Variants in CFAP299 observed in about 807,000 individuals in gnomAD.
The protein encoded by CFAP299 is cilia- and flagella-associated protein 299.
In CFAP299, 21 loss-of-function variants were observed where a neutral mutation model predicts 27.0. The observed-to-expected ratio is 0.78, with a 90% CI of 0.55 to 1.12. CFAP299 has a LOEUF of 1.12. CFAP299 is among the 50% of genes most tolerant of loss of function. The probability of loss-of-function intolerance (pLI) is 0.00; values close to 1 mark genes in which losing one functional copy is unlikely to be tolerated. For missense variants in CFAP299, 310 were observed against 276.6 expected, an observed-to-expected ratio of 1.12 and a Z score of -0.86; for synonymous variants, 104 against 98.1, an observed-to-expected ratio of 1.06 and a Z score of -0.36.
intron 2 of CFAP299, among the ~76,000 whole-genome samples, chr4:80,518,230 G>A (rs146461483): frequency 1.3e-4 from 20 of 152,156 alleles, no homozygotes; most frequent in African/African-American, 2.4e-4. Flanking sequence ...GAGAGCAAAA[G>A]CCTTCAATTA....
At chr4:80,415,077 C>A (rs1726931485) in intron 2 of CFAP299, among the ~76,000 whole-genome samples, 1 of 152,116 alleles carries the variant, frequency 6.6e-6, no homozygotes, top group Non-Finnish European at 1.5e-5. Flanking sequence ...TAAAAAGAGT[C>A]TCCTAACAGA....
intron 4 of CFAP299, among the ~76,000 whole-genome samples, chr4:80,891,612 T>G (rs1254576940): frequency 2.1e-5 from 1 of 47,020 alleles, no homozygotes; most frequent in Non-Finnish European, 3.8e-5. Flanking sequence ...CTGGGGACTG[T>G]GGTGGGGTCG....
intron 2 of CFAP299, among the ~76,000 whole-genome samples, chr4:80,442,031 A>G (rs891933249): frequency 1.3e-5 from 2 of 152,204 alleles, no homozygotes; most frequent in African/African-American, 2.4e-5. Flanking sequence ...TATGCACCCA[A>G]TATAGGAGCA....
intron 3 of CFAP299, among the ~76,000 whole-genome samples, chr4:80,742,584 C>T (rs1724339764): frequency 6.6e-6 from 1 of 152,110 alleles, no homozygotes; most frequent in East Asian, 1.9e-4. Flanking sequence ...TAATGTTAAC[C>T]TTTAATAAGT....
intron 3 of CFAP299, among the ~76,000 whole-genome samples, chr4:80,823,445 A>AT: frequency 6.6e-6 from 1 of 152,294 alleles, no homozygotes; most frequent in South Asian, 2.1e-4. Flanking sequence ...AGGACAGTAA[A>AT]TAACTGGGCT....
intron 3 of CFAP299, among the ~76,000 whole-genome samples, chr4:80,664,220 T>G (rs1341585461): frequency 6.6e-6 from 1 of 151,654 alleles, no homozygotes; most frequent in Non-Finnish European, 1.5e-5. Flanking sequence ...GCTGGAGGAG[T>G]TTTTTTATAC....
At chr4:80,721,553 G>A (rs569818165) in intron 3 of CFAP299, among the ~76,000 whole-genome samples, 5 of 151,976 alleles carry the variant, frequency 3.3e-5, no homozygotes, top group East Asian at 1.9e-4. Context: ...TAATTACCTC[G>A]TTAAGTACTC....
intron 3 of CFAP299, among the ~76,000 whole-genome samples, chr4:80,745,597 C>T (rs1032733391): frequency 2.0e-5 from 3 of 151,290 alleles, no homozygotes; most frequent in Admixed American, 1.3e-4. Context: ...GAAGATAGCA[C>T]AGTTTCCATA....
At chr4:80,913,476 A>T (rs553407281) in intron 4 of CFAP299, among the ~76,000 whole-genome samples, 3 of 152,314 alleles carry the variant, frequency 2.0e-5, no homozygotes, top group African/African-American at 7.2e-5. Context: ...TCCAGCTGAG[A>T]CATAGGTTTC....
At chr4:80,625,557 A>G (rs1738843598) in intron 3 of CFAP299, among the ~76,000 whole-genome samples, 1 of 152,062 alleles carries the variant, frequency 6.6e-6, no homozygotes. Context: ...TAAATGGATT[A>G]TGTTCTCCCA....
chr4:80,855,044 C>T (rs895197008), intron 3 of CFAP299, among the ~76,000 whole-genome samples: 24 of 151,574 alleles, frequency 1.6e-4, no homozygotes, highest in African/African-American at 4.4e-4. Flanking sequence ...TCCAAAGAGC[C>T]GAAAGGATTA....
At chr4:80,332,001 C>G (rs935389276), upstream of CFAP299, among the ~76,000 whole-genome samples, 1 of 152,144 alleles carries the variant, frequency 6.6e-6, no homozygotes, top group Non-Finnish European at 1.5e-5. Flanking sequence ...GGAAAACCAA[C>G]GAACCAACCA....
At chr4:80,846,914 T>G (rs1039390979) in intron 3 of CFAP299, among the ~76,000 whole-genome samples, 1 of 152,242 alleles carries the variant, frequency 6.6e-6, no homozygotes, top group Non-Finnish European at 1.5e-5. Flanking sequence ...TGTCATTTTC[T>G]GTAAGTTTCC....
chr4:80,924,538 G>GTGTATGTATATATATA (rs5859742), intron 4 of CFAP299, among the ~76,000 whole-genome samples: 2 of 131,670 alleles, frequency 1.5e-5, no homozygotes, highest in Admixed American at 7.4e-5. Context: ...GTGTGTGTGT[G>GTGTATGTATATATATA]TATATATATA....
rs1392285780 is a variant in CFAP299 at position 80,381,506 on chromosome 4, G to A, written c.242+18622G>A. Reference sequence around the variant, plus strand: ...CGGCTCACTGCAAGCTCCGCTTCCCGGGTTCACGCCATTCTCCTGCCTCAG... The same window carrying A: ...CGGCTCACTGCAAGCTCCGCTTCCCAGGTTCACGCCATTCTCCTGCCTCAG... On this transcript the variant is annotated intron_variant, in intron 2 of 5. Transcript: ENST00000358105. Among the ~76,000 whole-genome samples the A allele has an allele frequency of 3.6e-3, 28 of 7,878 alleles. 13 individuals are homozygous for A. Among genetic ancestry groups the A allele is most frequent in the African/African-American group, 4.1e-3 (28 of 6,834 alleles). 5.2% of individuals were successfully genotyped at this position (7,878 alleles called of 152,430 possible).
chr4:80,814,496 C>T (rs1729321083), intron 3 of CFAP299, among the ~76,000 whole-genome samples: 1 of 151,858 alleles, frequency 6.6e-6, no homozygotes. Context: ...GCACACATTC[C>T]ATAGAAAAAT....
At chr4:80,718,844 A>T (rs189376764) in intron 3 of CFAP299, among the ~76,000 whole-genome samples, 72 of 152,276 alleles carry the variant, frequency 4.7e-4, no homozygotes, top group African/African-American at 1.6e-3. Flanking sequence ...CCAATGACAT[A>T]TATTTAAACA....
chr4:80,372,801 A>G lies in CFAP299; in HGVS notation c.242+9917A>G, dbSNP rs546880427. The stretch of plus-strand genomic sequence containing the variant: ...AGATTCCATTATGACAGAGGACAGG[A>G]GAATAAACATAACCCCGAGACAAAA... On this transcript the variant is annotated intron_variant, in intron 2 of 5. Transcript: ENST00000358105. Among the ~76,000 whole-genome samples the G allele has an allele frequency of 2.6e-5, 4 of 152,354 alleles. No individual in the cohort carries two copies. In the South Asian group the frequency reaches 8.3e-4, roughly 32 times the overall value.
Position 80,690,839 on chromosome 4 carries a change from C to G in CFAP299, c.333+107656C>G, listed in dbSNP as rs1276897128. On this transcript the variant is annotated intron_variant, in intron 3 of 5. Coordinates refer to ENST00000358105, the MANE Select transcript of CFAP299 (RefSeq NM_152770.3). ...AAAAGAGAGAAGAATCAAATAGACG[C>G]AATAAAAATGATAAAGGGGATATCA... 3.3e-5 allele frequency among the ~76,000 whole-genome samples: 5 copies of G among 150,552 alleles called. No homozygotes were observed. The South Asian group carries it at 1.0e-3, about 32-fold the overall frequency.
Sources: allele counts gnomAD v4.1 joint callset (sites outside exome capture counted in the v4.1 genomes callset), GRCh38; gene constraint gnomAD v4.1.1; transcripts MANE v1.5; gene names NCBI Gene and HGNC (gene_info 2026-07-23, HGNC 2026-07-21).